Variants in RNF168 observed in about 807,000 individuals in gnomAD.
RNF168 encodes the protein ring finger protein 168.
A neutral mutation model predicts 34.9 loss-of-function variants in RNF168; 34 were observed. The ratio of observed to expected loss-of-function variants is 0.97; its 90% CI spans 0.74 to 1.30. The LOEUF (loss-of-function observed/expected upper bound fraction) is 1.30, where lower values mean the gene tolerates loss of function less well. RNF168 is among the 50% of genes most tolerant of loss of function. The pLI is 0.00. For synonymous variants in RNF168, 264 were observed against 254.7 expected (o/e 1.04, Z -0.35); for missense variants, 725 against 682.5 (o/e 1.06, Z -0.69).
chr3:196,497,178 C>G (rs540186005), intron 1 of RNF168, among the ~76,000 whole-genome samples: 1 of 151,946 alleles, frequency 6.6e-6, no homozygotes, highest in Non-Finnish European at 1.5e-5. Flanking sequence ...TCTAAAGTCA[C>G]AGTAATCAAG....
At chr3:196,494,233 G>A (rs1302108283) in intron 1 of RNF168, among the ~76,000 whole-genome samples, 2 of 151,996 alleles carry the variant, frequency 1.3e-5, no homozygotes, top group African/African-American at 4.8e-5. Flanking sequence ...TACAATTTTT[G>A]CCATCTGTTG....
rs149298083 is a variant in RNF168, at chr3:196,472,436, T to C, written c.1099A>G (p.Asn367Asp). 2 of 1,613,610 alleles carry C rather than the reference T, an allele frequency of 1.2e-6. No homozygotes were observed. The highest frequency in any genetic ancestry group is 1.3e-5 in the African/African-American group (1 of 74,856). ...PTSGVTQTNG[N>D]NTGETENEES... ...TCATTTTCTGTCTCACCTGTGTTGTTTCCATTTGTCTGTGTCACCCCTGAT... is the reference window on the plus strand; with the variant it reads ...TCATTTTCTGTCTCACCTGTGTTGTCTCCATTTGTCTGTGTCACCCCTGAT... Residue 367 changes from asparagine to aspartate, a missense_variant, in exon 6 of 6, where the codon AAC becomes GAC. Asn to Asp is a conservative substitution (Grantham distance 23). Transcript: ENST00000318037.
chr3:196,485,284 G>C (rs139976314), intron 3 of RNF168, among the ~76,000 whole-genome samples: 43 of 152,154 alleles, frequency 2.8e-4, no homozygotes, highest in African/African-American at 1.0e-3. Flanking sequence ...GAGGTGGGTG[G>C]ATCACATGAG....
intron 5 of RNF168, 143 bp downstream of exon 5, chr3:196,475,088 T>TCTCAC (rs1338070527): frequency 1.6e-6 from 1 of 628,390 alleles, no homozygotes; most frequent in Non-Finnish European, 2.9e-6. Context: ...AAGTGCTTTT[T>TCTCAC]CTCTAGGTGA....
At chr3:196,492,851 G>C (rs1315477582) in intron 1 of RNF168, among the ~76,000 whole-genome samples, 1 of 152,034 alleles carries the variant, frequency 6.6e-6, no homozygotes, top group African/African-American at 2.4e-5. Flanking sequence ...CATATGATTA[G>C]TGAAATAGTA....
At chr3:196,499,207 T>C (rs554398876) in intron 1 of RNF168, among the ~76,000 whole-genome samples, 2 of 150,088 alleles carry the variant, frequency 1.3e-5, no homozygotes, top group African/African-American at 2.4e-5. Flanking sequence ...GAGACGGCCA[T>C]GTAAAGACAG....
intron 5 of RNF168, among the ~76,000 whole-genome samples, chr3:196,473,962 A>G (rs115998195): frequency 0.018 from 2,790 of 152,208 alleles, 81 homozygotes; most frequent in African/African-American, 0.064. Context: ...GTTTGTTATA[A>G]GAAATAATTG....
intron 1 of RNF168, among the ~76,000 whole-genome samples, chr3:196,495,914 CCTGT>C (rs1732732440): frequency 6.6e-6 from 1 of 152,164 alleles, no homozygotes; most frequent in Admixed American, 6.5e-5. Context: ...GTAAAACACA[CCTGT>C]CTCCGTCACA....
In RNF168 at chr3:196,493,392, T is replaced by C. The variant is rs936337603; in HGVS notation, c.302-4709A>G. 5.9e-4 allele frequency among the ~76,000 whole-genome samples: 90 copies of C among 152,220 alleles called. 1 individual carries two copies. Among genetic ancestry groups the C allele is most frequent in the African/African-American group, 2.1e-3 (87 of 41,452 alleles). ...TGTTTTTGGAAACAAGATCTCACTC[T>C]TGCCCAGGCTGGAGTTCAGTGGCGG... On this transcript the variant is annotated intron_variant, in intron 1 of 5. Transcript: ENST00000318037.
intron 1 of RNF168, among the ~76,000 whole-genome samples, chr3:196,499,284 C>T (rs1170178223): frequency 6.6e-6 from 1 of 152,016 alleles, no homozygotes; most frequent in African/African-American, 2.4e-5. Context: ...AAACCAGGAA[C>T]ACCATGGATT....
chr3:196,478,485 T>C (rs1172871506), intron 4 of RNF168, among the ~76,000 whole-genome samples: 2 of 152,206 alleles, frequency 1.3e-5, no homozygotes, highest in African/African-American at 4.8e-5. Context: ...TCTTCCGACA[T>C]GTGGCTCCAC....
chr3:196,472,251 T>C lies in RNF168; in HGVS notation c.1284A>G (p.Lys428=), dbSNP rs78211871. ...ACAGTAGATGCTCCAAATCTATCAG[T>C]TTTTGGGTAAAGTTTATTTCTGTTT... ...QEETEINFTQ[K]LIDLEHLLFE... is the part of the protein sequence containing the mutation. Residue 428 remains lysine (K), a synonymous_variant, in exon 6 of 6, where the codon AAA becomes AAG. Transcript: ENST00000318037. 1,533 of 1,613,732 alleles carry C rather than the reference T, an allele frequency of 9.5e-4. 15 individuals are homozygous for C. In the African/African-American group the frequency reaches 0.018, roughly 19 times the overall value.
rs1732939176 is a variant in RNF168 at position 196,502,994 on chromosome 3, C to G, written c.180G>C (p.Ser60=). The G allele has an allele frequency of 6.2e-7, 1 of 1,614,064 alleles. No individual in the cohort carries two copies. The highest frequency in any genetic ancestry group is 1.1e-5 in the South Asian group (1 of 91,070). Reference sequence around the variant, plus strand: ...TTCTTCGGGTATGGTACCGAGTCCACGACGATACCCGGCGGCGACAGAAGG... The same window carrying G: ...TTCTTCGGGTATGGTACCGAGTCCAGGACGATACCCGGCGGCGACAGAAGG... ...CCPFCRRRVS[S]WTRYHTRRNS... Residue 60 remains serine (S), a synonymous_variant, in exon 1 of 6, where the codon TCG becomes TCC. Coordinates refer to ENST00000318037, the MANE Select transcript of RNF168 (RefSeq NM_152617.4).
chr3:196,472,398 T>C lies in RNF168; in HGVS notation c.1137A>G (p.Leu379=), dbSNP rs1732030842. Residue 379 remains leucine (L), a synonymous_variant, in exon 6 of 6, where the codon CTA becomes CTG. Transcript: ENST00000318037. ...TGETENEESC[L]LISKEISKRK... is the part of the protein sequence containing the mutation. Reference sequence around the variant, plus strand: ...TTTTGGAAATCTCCTTACTGATCAGTAGGCACGACTCTTCATTTTCTGTCT... The same window carrying C: ...TTTTGGAAATCTCCTTACTGATCAGCAGGCACGACTCTTCATTTTCTGTCT... 1 of 1,613,722 alleles carries C rather than the reference T, an allele frequency of 6.2e-7. No individual in the cohort carries two copies. Among genetic ancestry groups the C allele is most frequent in the South Asian group, 1.1e-5 (1 of 91,000 alleles).
At chr3:196,484,051 C>G (rs1008583982) in intron 3 of RNF168, among the ~76,000 whole-genome samples, 160 bp from the exon 4 acceptor site, 2 of 152,048 alleles carry the variant, frequency 1.3e-5, no homozygotes, top group Non-Finnish European at 2.9e-5. Flanking sequence ...ATGCAAAAAT[C>G]AGAATAAACT....
intron 4 of RNF168, among the ~76,000 whole-genome samples, chr3:196,476,668 G>A (rs748901837): frequency 2.0e-5 from 3 of 151,474 alleles, no homozygotes; most frequent in Non-Finnish European, 2.9e-5. Context: ...CGCCTGCTTC[G>A]GCCTCCCAAA....
chr3:196,492,783 A>G (rs1732627361), intron 1 of RNF168, among the ~76,000 whole-genome samples: 1 of 151,510 alleles, frequency 6.6e-6, no homozygotes, highest in South Asian at 2.1e-4. Context: ...ATCTCAAATA[A>G]ATAAATAAAT....
At position 196,472,004 on chromosome 3, in the gene RNF168, C is replaced by T. The variant is rs1282211677; in HGVS notation, c.1531G>A (p.Glu511Lys). The change falls in exon 6 of 6, where the codon GAG becomes AAG. Residue 511 changes from glutamate to lysine, a missense_variant. Coordinates refer to ENST00000318037, the MANE Select transcript of RNF168 (RefSeq NM_152617.4). Reference sequence around the variant, plus strand: ...CTATTTTTGTCCCTTGAGCCTCTCTCTGGTGTTGGATGCTTTGTGTGAGTT... The same window carrying T: ...CTATTTTTGTCCCTTGAGCCTCTCTTTGGTGTTGGATGCTTTGTGTGAGTT... ...RQTHTKHPTP[E>K]RGSRDKNRQV... The T allele has an allele frequency of 6.2e-7, 1 of 1,614,218 alleles. No individual in the cohort carries two copies. Among genetic ancestry groups the T allele is most frequent in the Admixed American group, 1.7e-5 (1 of 60,018 alleles).
intron 4 of RNF168, among the ~76,000 whole-genome samples, chr3:196,479,524 C>T (rs1365628851): frequency 1.3e-5 from 2 of 151,986 alleles, no homozygotes; most frequent in Non-Finnish European, 2.9e-5. Flanking sequence ...TGGTCTCAAA[C>T]TCCTAGGCTC....
Sources: gnomAD v4.1 joint callset for allele counts (sites outside exome capture counted in the v4.1 genomes callset) on GRCh38, gnomAD v4.1.1 for gene constraint, MANE v1.5 for transcripts, NCBI Gene and HGNC (gene_info 2026-07-23, HGNC 2026-07-21) for gene names.